MYH15: variants seen among roughly 807,000 people sequenced by gnomAD.
The protein encoded by MYH15 is myosin heavy chain 15.
MYH15 carries 227 observed loss-of-function variants against 240.5 expected under a neutral mutation model. That is an observed-to-expected ratio of 0.94 (90% CI 0.85 to 1.05). The LOEUF is 1.05. Among genes scored for constraint, MYH15 ranks in the 50% least tolerant of loss-of-function variants. The pLI, the probability that MYH15 is intolerant of heterozygous loss-of-function variation, is 0.00. For synonymous variants in MYH15, 785 were observed against 796.7 expected (o/e 0.99, Z 0.25); for missense variants, 2,217 against 2,247.5 (o/e 0.99, Z 0.27).
intron 11 of MYH15, 37 bp from the exon 12 acceptor site, chr3:108,476,552 G>C: frequency 6.0e-6 from 8 of 1,330,356 alleles, no homozygotes; most frequent in African/African-American, 1.4e-5. Context: ...AAGGAGAGAG[G>C]AAAACACTGT....
At chr3:108,525,179 T>G (rs1207835886) in intron 1 of MYH15, among the ~76,000 whole-genome samples, 1 of 152,064 alleles carries the variant, frequency 6.6e-6, no homozygotes, top group Non-Finnish European at 1.5e-5. Flanking sequence ...TGCAATTACT[T>G]CAAAATAGTA....
chr3:108,535,304 G>C, the MYH15 span, among the ~76,000 whole-genome samples: 18 of 152,158 alleles, frequency 1.2e-4, no homozygotes, highest in African/African-American at 3.9e-4. Flanking sequence ...TGGATGCTGA[G>C]AAGTCAAAGA....
At position 108,470,732 on chromosome 3, in the gene MYH15, C is replaced by T; in HGVS notation, c.1349G>A (p.Gly450Asp). The T allele has an allele frequency of 6.2e-7, 1 of 1,613,732 alleles. No homozygotes were observed. Among genetic ancestry groups the T allele is most frequent in the Non-Finnish European group, 8.5e-7 (1 of 1,179,788 alleles). ...TTCAAAACCAGTGATGTCAAGAATG[C>T]CAATGAAGAACTGCCTTGACAGCTT... ...DAKLSRQFFIGILDITGFEIL... is the reference protein window; with the variant it reads ...DAKLSRQFFIDILDITGFEIL... Residue 450 changes from glycine (G) to aspartate (D), a missense_variant, in exon 13 of 41, where the codon GGC (glycine) becomes GAC (aspartate). By Grantham distance (94) the Gly-to-Asp change is moderately conservative. Transcript: ENST00000693548.
At chr3:108,534,934 A>C in the MYH15 span, among the ~76,000 whole-genome samples, 1 of 152,108 alleles carries the variant, frequency 6.6e-6, no homozygotes, top group Non-Finnish European at 1.5e-5. Flanking sequence ...CTTTCTGAGA[A>C]GGTAACTTTT....
At chr3:108,503,295 T>C (rs1255726930) in intron 2 of MYH15, among the ~76,000 whole-genome samples, 1 of 152,220 alleles carries the variant, frequency 6.6e-6, no homozygotes, top group African/African-American at 2.4e-5. Flanking sequence ...TTGGAGAATG[T>C]GCTCAGAAGA....
At chr3:108,401,403 A>G (rs6768511) in intron 33 of MYH15, among the ~76,000 whole-genome samples, 40,032 of 151,980 alleles carry the variant, frequency 0.26, 5,591 homozygotes, top group Non-Finnish European at 0.31. Flanking sequence ...GAGGATCATC[A>G]GGAGAAACCA....
chr3:108,394,203 C>T, intron 35 of MYH15, 47 bp from the exon 36 acceptor site: 1 of 1,609,754 alleles, frequency 6.2e-7, no homozygotes, highest in African/African-American at 1.3e-5. Flanking sequence ...ACCAGCAATG[C>T]AAATGCAAGC....
intron 9 of MYH15, 32 bp downstream of exon 9, chr3:108,492,468 A>T: frequency 6.7e-7 from 1 of 1,489,836 alleles, no homozygotes; most frequent in Admixed American, 1.9e-5. Flanking sequence ...CTTGTTTTGG[A>T]ATAACCCTAA....
chr3:108,391,445 G>A (rs1466710629), intron 37 of MYH15, among the ~76,000 whole-genome samples: 1 of 152,092 alleles, frequency 6.6e-6, no homozygotes, highest in Non-Finnish European at 1.5e-5. Context: ...GACTGCCAGG[G>A]GTGTGTTTGG....
At chr3:108,388,556 C>T (rs1166751072) in intron 38 of MYH15, among the ~76,000 whole-genome samples, 1 of 152,034 alleles carries the variant, frequency 6.6e-6, no homozygotes, top group Non-Finnish European at 1.5e-5. Flanking sequence ...GTGGAAATGC[C>T]CCCCGCTGCA....
In MYH15 at chr3:108,444,826, C is replaced by T; in HGVS notation, c.2469G>A (p.Arg823=). ...CAAGAGGCTTGATCTTGAAGAAGAG[C>T]CTCATCCAGGGCCAGTTCTTCACAG... ...FMAVKNWPWM[R]LFFKIKPLVK... The change falls in exon 22 of 41, where the codon AGG becomes AGA. Residue 823 remains arginine (R), a synonymous_variant. Coordinates refer to ENST00000693548, the MANE Select transcript of MYH15 (RefSeq NM_014981.3). The T allele has an allele frequency of 2.5e-6, 4 of 1,614,038 alleles. No individual in the cohort carries two copies. The highest frequency in any genetic ancestry group is 3.4e-6 in the Non-Finnish European group (4 of 1,179,956).
intron 1 of MYH15, among the ~76,000 whole-genome samples, chr3:108,508,096 T>TCTAG (rs2083492061): frequency 6.6e-6 from 1 of 152,088 alleles, no homozygotes; most frequent in African/African-American, 2.4e-5. Flanking sequence ...CAATAATGAC[T>TCTAG]CTAGAAATGA....
At chr3:108,494,023 G>C (rs2083373295) in intron 7 of MYH15, among the ~76,000 whole-genome samples, 1 of 152,234 alleles carries the variant, frequency 6.6e-6, no homozygotes, top group South Asian at 2.1e-4. Flanking sequence ...CAGAATGCCA[G>C]ATGCAGCTGA....
chr3:108,419,161 A>C (rs1421250375), intron 28 of MYH15, among the ~76,000 whole-genome samples: 1 of 152,252 alleles, frequency 6.6e-6, no homozygotes, highest in Non-Finnish European at 1.5e-5. Flanking sequence ...CTGAAAGCAG[A>C]GTATGGTAAG....
chr3:108,538,762 T>A, the MYH15 span, among the ~76,000 whole-genome samples: 1 of 152,216 alleles, frequency 6.6e-6, no homozygotes, highest in Non-Finnish European at 1.5e-5. Context: ...TGTCTTAGTC[T>A]GTTTTGTGTT....
At chr3:108,533,118 C>T (rs77700468), upstream of MYH15, among the ~76,000 whole-genome samples, 50 of 97,654 alleles carry the variant, frequency 5.1e-4, no homozygotes, top group South Asian at 8.3e-4. Flanking sequence ...ACAATAAAAG[C>T]TTTTTTTTTT....
At chr3:108,508,294 A>C (rs1338749168) in intron 1 of MYH15, among the ~76,000 whole-genome samples, 1 of 152,206 alleles carries the variant, frequency 6.6e-6, no homozygotes, top group Non-Finnish European at 1.5e-5. Flanking sequence ...CCTTTCTCAT[A>C]GGAGACCCAA....
intron 33 of MYH15, among the ~76,000 whole-genome samples, chr3:108,401,133 G>A (rs1402872453): frequency 1.3e-5 from 2 of 152,070 alleles, no homozygotes; most frequent in Non-Finnish European, 2.9e-5. Flanking sequence ...AAGTTAATAT[G>A]GACTTTTAGG....
chr3:108,437,184 A>G (rs1335352208), intron 25 of MYH15, among the ~76,000 whole-genome samples: 1 of 98,390 alleles, frequency 1.0e-5, no homozygotes, highest in Non-Finnish European at 2.1e-5. Flanking sequence ...CATCAGGATC[A>G]ATTTTTTTTT....
Sources: allele counts gnomAD v4.1 joint callset (sites outside exome capture counted in the v4.1 genomes callset), GRCh38; gene constraint gnomAD v4.1.1; transcripts MANE v1.5; gene names NCBI Gene and HGNC (gene_info 2026-07-23, HGNC 2026-07-21).